The following SMYD1 variants were observed in gnomAD, a reference collection of about 807,000 sequenced individuals.
The protein encoded by SMYD1 is SET and MYND domain containing 1, also known as histone-lysine N-methyltransferase SMYD1.
A neutral mutation model predicts 54.0 loss-of-function variants in SMYD1; 49 were observed. The observed-to-expected ratio is 0.91, with a 90% confidence interval of 0.72 to 1.15. The LOEUF (loss-of-function observed/expected upper bound fraction) is 1.15. Among genes scored for constraint, SMYD1 ranks in the 50% most tolerant of loss-of-function variants. The probability of loss-of-function intolerance (pLI) is 0.00; values close to 1 mark genes in which losing one functional copy is unlikely to be tolerated. For missense variants in SMYD1, 653 were observed against 639.6 expected, an observed-to-expected ratio of 1.02 and a Z score of -0.23; for synonymous variants, 269 against 234.2, an observed-to-expected ratio of 1.15 and a Z score of -1.36.
intron 1 of SMYD1, among the ~76,000 whole-genome samples, chr2:88,083,395 C>T (rs2103987720): frequency 6.6e-6 from 1 of 152,148 alleles, no homozygotes; most frequent in East Asian, 1.9e-4. Context: ...ACACGGGGCT[C>T]TCTAATGGGA....
intron 2 of SMYD1, among the ~76,000 whole-genome samples, chr2:88,086,359 C>T (rs1674323654): frequency 6.6e-6 from 1 of 152,224 alleles, no homozygotes; most frequent in Non-Finnish European, 1.5e-5. Context: ...CCATCCCCTC[C>T]CAGATGCCTG....
At chr2:88,069,460 G>C (rs1485063488) in intron 1 of SMYD1, among the ~76,000 whole-genome samples, 1 of 152,142 alleles carries the variant, frequency 6.6e-6, no homozygotes, top group Non-Finnish European at 1.5e-5. Flanking sequence ...TGTCAGGGGA[G>C]GGGTGAGTAC....
At chr2:88,107,008 G>A (rs62156976) in intron 8 of SMYD1, among the ~76,000 whole-genome samples, 9 of 152,046 alleles carry the variant, frequency 5.9e-5, no homozygotes, top group Admixed American at 1.3e-4. Context: ...AGACCATCCC[G>A]GCTAACATGG....
Position 88,093,520 on chromosome 2 carries a change from T to G in SMYD1, c.663T>G (p.His221Gln), listed in dbSNP as rs912978917. Residue 221 changes from histidine to glutamine, a missense_variant, in exon 5 of 10, where the codon CAT becomes CAG. Transcript: ENST00000419482. Reference sequence around the variant, plus strand: ...GGGTGTCTGTTTTGTCTTTCAGTCATGAGGCAGTGAAATCCATGTTTCATA... The same window carrying G: ...GGGTGTCTGTTTTGTCTTTCAGTCAGGAGGCAGTGAAATCCATGTTTCATA... ...NCTVIFNNGN[H>Q]EAVKSMFHTQ... The G allele has an allele frequency of 2.2e-5, 35 of 1,614,186 alleles. No individual in the cohort carries two copies. The highest frequency in any genetic ancestry group is 2.9e-5 in the Non-Finnish European group (34 of 1,180,026).
At chr2:88,105,789 T>C (rs779051753) in intron 7 of SMYD1, among the ~76,000 whole-genome samples, 1 of 151,952 alleles carries the variant, frequency 6.6e-6, no homozygotes, top group Non-Finnish European at 1.5e-5. Flanking sequence ...AATACAAAAA[T>C]TATTTGGGCG....
chr2:88,107,366 G>C (rs548630101), intron 8 of SMYD1, among the ~76,000 whole-genome samples: 1 of 152,090 alleles, frequency 6.6e-6, no homozygotes, highest in Admixed American at 6.5e-5. Flanking sequence ...TAGATAAACT[G>C]TACAACATGC....
intron 1 of SMYD1, among the ~76,000 whole-genome samples, chr2:88,068,688 C>T (rs999706925): frequency 6.6e-6 from 1 of 151,074 alleles, no homozygotes; most frequent in African/African-American, 2.4e-5. Flanking sequence ...CTAAACAACA[C>T]GTTTTTGATG....
intron 1 of SMYD1, among the ~76,000 whole-genome samples, chr2:88,074,199 T>C (rs941805459): frequency 6.6e-6 from 1 of 152,254 alleles, no homozygotes; most frequent in Non-Finnish European, 1.5e-5. Context: ...CACAAACTAC[T>C]GTAACTTCAA....
chr2:88,068,521 A>G (rs1673879722), intron 1 of SMYD1, among the ~76,000 whole-genome samples: 1 of 151,730 alleles, frequency 6.6e-6, no homozygotes, highest in Non-Finnish European at 1.5e-5. Context: ...TACCCCTGCT[A>G]TTATTTCAAT....
rs113530320 is a variant in SMYD1, at chr2:88,108,410, C to G, written c.1185C>G (p.Ala395=). The change falls in exon 9 of 10, where the codon GCC becomes GCG. Residue 395 remains alanine (A), a synonymous_variant. Transcript: ENST00000419482. ...CCAACAATGCCCAACTGGGCATGGC[C>G]GTGATGCGGGCAGGGCTGACCAACT... ...YHPNNAQLGM[A]VMRAGLTNWH... 2.0e-5 allele frequency: 32 copies of G among 1,608,876 alleles called. No individual in the cohort carries two copies. The highest frequency in any genetic ancestry group is 1.7e-4 in the Middle Eastern group (1 of 6,060).
At chr2:88,089,585 G>GGT (rs1168773051) in intron 3 of SMYD1, among the ~76,000 whole-genome samples, 1 of 106,998 alleles carries the variant, frequency 9.3e-6, no homozygotes, top group East Asian at 3.7e-4. Flanking sequence ...GCTTCTACCT[G>GGT]TTTTTTTTTT....
chr2:88,090,639 A>C (rs1251479093), intron 3 of SMYD1, among the ~76,000 whole-genome samples: 2 of 152,218 alleles, frequency 1.3e-5, no homozygotes, highest in Non-Finnish European at 2.9e-5. Context: ...AAGCTCACAC[A>C]CACACACACG....
intron 7 of SMYD1, among the ~76,000 whole-genome samples, chr2:88,103,371 A>G (rs1166832606): frequency 6.6e-6 from 1 of 152,132 alleles, no homozygotes; most frequent in Admixed American, 6.5e-5. Flanking sequence ...AACCCAATGA[A>G]ACTGGGTCTG....
intron 7 of SMYD1, among the ~76,000 whole-genome samples, 157 bp downstream of exon 7, chr2:88,103,307 T>C (rs554468695): frequency 1.2e-3 from 190 of 152,248 alleles, no homozygotes; most frequent in African/African-American, 4.4e-3. Flanking sequence ...ATCATGACTC[T>C]TCTTGTCCGT....
rs1444470035 is a variant in SMYD1 at position 88,110,538 on chromosome 2, T to C, written c.*26T>C. The C allele has an allele frequency of 7.8e-6, 12 of 1,535,764 alleles. 1 individual carries two copies. The highest frequency in any genetic ancestry group is 1.7e-4 in the Middle Eastern group (1 of 5,890). On this transcript the variant is annotated 3_prime_UTR_variant, in exon 10 of 10. Transcript: ENST00000419482. ...GGACTGCCCAGTGGAGGAGGGGCGATGTGGCTGGGGAGCTAGGGAGAGACT... is the reference window on the plus strand; with the variant it reads ...GGACTGCCCAGTGGAGGAGGGGCGACGTGGCTGGGGAGCTAGGGAGAGACT...
chr2:88,112,054 C>G lies in SMYD1; in HGVS notation c.*1542C>G, dbSNP rs139105051. On this transcript the variant is annotated 3_prime_UTR_variant, in exon 10 of 10. Transcript: ENST00000419482. The stretch of plus-strand genomic sequence containing the variant: ...AAATGGGCCACACTTTTGCAAAATA[C>G]TTGTATCTGACACTTAGGTCTTGTT... The G allele has an allele frequency of 1.1e-4, 78 of 703,068 alleles. No individual in the cohort carries two copies. In the South Asian group the frequency reaches 1.1e-3, roughly 10 times the overall value. 43.6% of individuals were successfully genotyped at this position (703,068 alleles called of 1,614,324 possible). A position where few individuals can be genotyped will look rare whatever the true frequency, so the allele number is the denominator to read the frequency against.
intron 7 of SMYD1, among the ~76,000 whole-genome samples, chr2:88,104,111 T>C (rs182344528): frequency 0.01 from 1,586 of 151,970 alleles, 18 homozygotes; most frequent in Non-Finnish European, 0.016. Flanking sequence ...GGACTACAGG[T>C]GCCCGCCACC....
Position 88,110,219 on chromosome 2 carries a change from G to GTGTGTGTGTGT in SMYD1, c.1315-134_1315-124dup, listed in dbSNP as rs1674983580. The GTGTGTGTGTGT allele has an allele frequency of 8.3e-6, 7 of 841,394 alleles. No homozygotes were observed. In the East Asian group the frequency reaches 1.9e-4, roughly 23 times the overall value. The allele number at this position is 841,394 out of a possible 1,614,324, so 52.1% of individuals were successfully genotyped here. A position where few individuals can be genotyped will look rare whatever the true frequency, so the allele number is the denominator to read the frequency against. ...TGAATGAGTGTGTGTGTGTGTGTGT[G>GTGTGTGTGTGT]TGTGTGTGTGTGTGTATTCTGAGGG... On this transcript the variant is annotated intron_variant, in intron 9 of 9. Coordinates refer to ENST00000419482, the MANE Select transcript of SMYD1 (RefSeq NM_198274.4).
rs571700286 is a variant in SMYD1 at position 88,107,644 on chromosome 2, G to A, written c.1146-727G>A. ...TACCTACTCAAGCCTCAGCAATGGC[G>A]GGCGCCCCTCCCCCAGCCTCGCTGC... On this transcript the variant is annotated intron_variant, in intron 8 of 9. Transcript: ENST00000419482. Among the ~76,000 whole-genome samples, 114 of 152,304 alleles carry A rather than the reference G, an allele frequency of 7.5e-4. 2 individuals are homozygous for A. The highest frequency in any genetic ancestry group is 2.6e-3 in the African/African-American group (110 of 41,570).
Sources: gnomAD v4.1 joint callset for allele counts (sites outside exome capture counted in the v4.1 genomes callset) on GRCh38, gnomAD v4.1.1 for gene constraint, MANE v1.5 for transcripts, NCBI Gene and HGNC (gene_info 2026-07-23, HGNC 2026-07-21) for gene names.